POT1: variants seen among roughly 807,000 people sequenced by gnomAD.
The protein encoded by POT1 is protection of telomeres protein 1.
A neutral mutation model predicts 78.5 loss-of-function variants in POT1; 47 were observed. The observed-to-expected ratio is 0.60, with a 90% CI of 0.47 to 0.76. The LOEUF (loss-of-function observed/expected upper bound fraction) is 0.76. Ranked by LOEUF, POT1 falls within the 30% of genes least tolerant of loss-of-function variation. POT1 has a pLI of 0.00. For missense variants in POT1, 646 were observed against 749.9 expected (o/e 0.86, Z 1.62); for synonymous variants, 259 against 260.7 (o/e 0.99, Z 0.06).
At chr7:124,846,629 GT>G (rs926386674) in intron 12 of POT1, among the ~76,000 whole-genome samples, 3 of 148,074 alleles carry the variant, frequency 2.0e-5, no homozygotes, top group African/African-American at 7.5e-5. Context: ...CACATTTTAA[GT>G]CATGTAACTC....
At chr7:124,860,943 T>C (rs1290850758) in intron 8 of POT1, among the ~76,000 whole-genome samples, 1 of 152,192 alleles carries the variant, frequency 6.6e-6, no homozygotes, top group African/African-American at 2.4e-5. Flanking sequence ...GAACTTATCC[T>C]TTCTTTGGCT....
At chr7:124,902,305 C>T (rs894498637) in intron 3 of POT1, among the ~76,000 whole-genome samples, 1 of 152,036 alleles carries the variant, frequency 6.6e-6, no homozygotes, top group African/African-American at 2.4e-5. Flanking sequence ...AAAGGGAAGC[C>T]CATCAGACTA....
intron 18 of POT1, among the ~76,000 whole-genome samples, chr7:124,824,544 A>G (rs1355776026): frequency 1.3e-5 from 2 of 152,112 alleles, no homozygotes; most frequent in African/African-American, 2.4e-5. Context: ...CTATTATAAG[A>G]TGCAAAGATT....
In POT1 at chr7:124,840,706, T is replaced by C. The variant is rs1001007373; in HGVS notation, c.1369+267A>G. The C allele has an allele frequency of 1.8e-4, 47 of 266,842 alleles. 1 individual carries two copies. The highest frequency in any genetic ancestry group is 1.4e-3 in the Middle Eastern group (1 of 730). The allele number at this position is 266,842 out of a possible 1,614,324, so 16.5% of individuals were successfully genotyped here. A position where few individuals can be genotyped will look rare whatever the true frequency, so the allele number is the denominator to read the frequency against. ...ACTTAACTAGACAATCAGCTTAGCATTGACAAAATAAAATGCAATCCAACA... is the reference window on the plus strand; with the variant it reads ...ACTTAACTAGACAATCAGCTTAGCACTGACAAAATAAAATGCAATCCAACA... On this transcript the variant is annotated intron_variant, in intron 14 of 18. Transcript: ENST00000357628.
At chr7:124,864,501 G>A (rs1052843845) in intron 7 of POT1, among the ~76,000 whole-genome samples, 1 of 150,504 alleles carries the variant, frequency 6.6e-6, no homozygotes, top group Admixed American at 6.6e-5. Flanking sequence ...TTGCTTCTTT[G>A]CTTTTTTAAA....
At chr7:124,881,322 G>A (rs1484829905) in intron 6 of POT1, among the ~76,000 whole-genome samples, 7 of 151,764 alleles carry the variant, frequency 4.6e-5, no homozygotes, top group Admixed American at 6.6e-5. Flanking sequence ...AATCTTACGA[G>A]ACCACTGTCA....
intron 14 of POT1, among the ~76,000 whole-genome samples, chr7:124,838,977 T>C (rs545363268): frequency 6.6e-6 from 1 of 152,076 alleles, no homozygotes; most frequent in Non-Finnish European, 1.5e-5. Context: ...TACATGGAAA[T>C]GCAAAAGATT....
At chr7:124,890,849 T>C (rs1204770574) in intron 6 of POT1, among the ~76,000 whole-genome samples, 1 of 151,886 alleles carries the variant, frequency 6.6e-6, no homozygotes, top group African/African-American at 2.4e-5. Context: ...CCTCCTGCTA[T>C]TGATTTCTAG....
At chr7:124,838,636 G>A (rs989397176) in intron 14 of POT1, among the ~76,000 whole-genome samples, 5 of 150,480 alleles carry the variant, frequency 3.3e-5, no homozygotes, top group East Asian at 3.9e-4. Flanking sequence ...ATGAAGTTTC[G>A]CTCTTGTTAC....
chr7:124,831,541 A>C (rs573969679), intron 15 of POT1, among the ~76,000 whole-genome samples: 24 of 152,350 alleles, frequency 1.6e-4, no homozygotes, highest in African/African-American at 5.3e-4. Flanking sequence ...TTTAAAAAAA[A>C]ACTGTTTATG....
chr7:124,857,418 C>A lies in POT1; in HGVS notation c.702+1539G>T, dbSNP rs183697116. Among the ~76,000 whole-genome samples the A allele has an allele frequency of 5.0e-3, 760 of 152,308 alleles. 8 individuals carry two copies. The highest frequency in any genetic ancestry group is 0.017 in the African/African-American group (697 of 41,558). ...AAGCTGAAAAGCCTGATACCACGGC[C>A]CAAAGTGAGAACTTACATCCCTGTT... is the stretch of plus-strand genomic sequence containing the variant. On this transcript the variant is annotated intron_variant, in intron 9 of 18. Coordinates refer to ENST00000357628, the MANE Select transcript of POT1 (RefSeq NM_015450.3).
rs201285982 is a variant in POT1 at position 124,877,840 on chromosome 7, C to CAAAAAAA, written c.125-6806_125-6800dup. Among the ~76,000 whole-genome samples the CAAAAAAA allele has an allele frequency of 1.1e-3, 92 of 80,542 alleles. 2 individuals carry two copies. Among genetic ancestry groups the CAAAAAAA allele is most frequent in the African/African-American group, 2.4e-3 (59 of 24,234 alleles). 52.8% of individuals were successfully genotyped at this position (80,542 alleles called of 152,430 possible). A position where few individuals can be genotyped will look rare whatever the true frequency, so the allele number is the denominator to read the frequency against. On this transcript the variant is annotated intron_variant, in intron 6 of 18. Transcript: ENST00000357628. The stretch of plus-strand genomic sequence containing the variant: ...TGGGCGACAGAGAGAGATTCTGTCT[C>CAAAAAAA]AAAAAAAAAAAAAAAAAAAAAAAAA...
At position 124,849,452 on chromosome 7, in the gene POT1, C is replaced by T. The variant is rs561900895; in HGVS notation, c.949+2420G>A. ...TAAGTAAGAAAACACCTTTCACCTGCTTAACTGTCAAAAATTACATATAGT... is the reference window on the plus strand; with the variant it reads ...TAAGTAAGAAAACACCTTTCACCTGTTTAACTGTCAAAAATTACATATAGT... On this transcript the variant is annotated intron_variant, in intron 11 of 18. Coordinates refer to ENST00000357628, the MANE Select transcript of POT1 (RefSeq NM_015450.3). Among the ~76,000 whole-genome samples the T allele has an allele frequency of 1.6e-4, 24 of 152,262 alleles. 1 individual carries two copies. Among genetic ancestry groups the T allele is most frequent in the Non-Finnish European group, 2.4e-4 (16 of 67,984 alleles).
At chr7:124,881,905 G>C (rs571456123) in intron 6 of POT1, among the ~76,000 whole-genome samples, 26 of 152,102 alleles carry the variant, frequency 1.7e-4, no homozygotes, top group Admixed American at 8.5e-4. Context: ...CATTGATAAA[G>C]TGTTGTCTTT....
At chr7:124,851,242 G>A (rs191050928) in intron 11 of POT1, among the ~76,000 whole-genome samples, 4 of 152,220 alleles carry the variant, frequency 2.6e-5, no homozygotes, top group East Asian at 1.9e-4. Flanking sequence ...GTTTGAAGCC[G>A]CAGTGAGCTA....
chr7:124,908,559 A>T (rs1796819725), intron 3 of POT1, among the ~76,000 whole-genome samples: 1 of 151,982 alleles, frequency 6.6e-6, no homozygotes, highest in Non-Finnish European at 1.5e-5. Context: ...TCTATAACCC[A>T]AGTATCCCTG....
At chr7:124,927,868 T>C (rs1347762444) in intron 2 of POT1, among the ~76,000 whole-genome samples, 1 of 152,200 alleles carries the variant, frequency 6.6e-6, no homozygotes, top group Non-Finnish European at 1.5e-5. Flanking sequence ...TTTGCCACTC[T>C]AGTCTAATTG....
At position 124,827,322 on chromosome 7, in the gene POT1, A is replaced by C. The variant is rs760900938; in HGVS notation, c.1595-17T>G. On this transcript the variant is annotated splice_polypyrimidine_tract_variant and intron_variant, in intron 16 of 18. Transcript: ENST00000357628. Reference sequence around the variant, plus strand: ...TACCCAGTGCTAGTGAAGGAAAAAAAGATCAAACCATATGAGTCTGCTATT... The same window carrying C: ...TACCCAGTGCTAGTGAAGGAAAAAACGATCAAACCATATGAGTCTGCTATT... 36 of 1,450,364 alleles carry C rather than the reference A, an allele frequency of 2.5e-5. 1 individual carries two copies. Among genetic ancestry groups the C allele is most frequent in the Non-Finnish European group, 3.0e-5 (31 of 1,045,160 alleles). 89.8% of individuals were successfully genotyped at this position (1,450,364 alleles called of 1,614,324 possible). A position where few individuals can be genotyped will look rare whatever the true frequency, so the allele number is the denominator to read the frequency against.
intron 6 of POT1, among the ~76,000 whole-genome samples, chr7:124,880,706 C>A (rs1273265503): frequency 3.3e-5 from 5 of 151,860 alleles, no homozygotes; most frequent in Non-Finnish European, 5.9e-5. Flanking sequence ...TATTGTAGAC[C>A]CACTATCGAG....
Sources: gnomAD v4.1 joint callset for allele counts (sites outside exome capture counted in the v4.1 genomes callset) on GRCh38, gnomAD v4.1.1 for gene constraint, MANE v1.5 for transcripts, NCBI Gene and HGNC (gene_info 2026-07-23, HGNC 2026-07-21) for gene names.